FRS2: variants seen among roughly 807,000 people sequenced by gnomAD.
The protein encoded by FRS2 is fibroblast growth factor receptor substrate 2.
A neutral mutation model predicts 43.9 loss-of-function variants in FRS2; 8 were observed. The observed-to-expected ratio is 0.18, with a 90% CI of 0.11 to 0.33. The LOEUF is 0.33. Among genes scored for constraint, FRS2 ranks in the 10% least tolerant of loss-of-function variants. The pLI is 1.00. For missense variants in FRS2, 534 were observed against 627.6 expected (o/e 0.85, Z 1.59); for synonymous variants, 219 against 220.3 (o/e 0.99, Z 0.05).
At chr12:69,555,035 T>G (rs1879218941) in intron 3 of FRS2, among the ~76,000 whole-genome samples, 1 of 151,506 alleles carries the variant, frequency 6.6e-6, no homozygotes, top group Admixed American at 6.6e-5. Context: ...ATAATATTTT[T>G]TTTTACCTTT....
At chr12:69,487,792 A>G (rs918392702) in intron 1 of FRS2, among the ~76,000 whole-genome samples, 1 of 152,248 alleles carries the variant, frequency 6.6e-6, no homozygotes, top group African/African-American at 2.4e-5. Context: ...CATTAAGAAC[A>G]CTTGTGATTT....
intron 1 of FRS2, among the ~76,000 whole-genome samples, chr12:69,501,088 T>G (rs1873396483): frequency 6.6e-6 from 1 of 152,152 alleles, no homozygotes; most frequent in Non-Finnish European, 1.5e-5. Flanking sequence ...TTTCCCTGCC[T>G]TCTTTTCAAG....
At chr12:69,556,036 T>C (rs142200117) in intron 3 of FRS2, among the ~76,000 whole-genome samples, 1 of 150,198 alleles carries the variant, frequency 6.7e-6, no homozygotes, top group East Asian at 2.0e-4. Context: ...ACACATGGTA[T>C]ACACATTTCA....
chr12:69,527,432 C>T (rs935680029), intron 1 of FRS2, among the ~76,000 whole-genome samples: 13 of 146,322 alleles, frequency 8.9e-5, no homozygotes, highest in African/African-American at 3.3e-4. Flanking sequence ...AATCCTCCTG[C>T]CTCAGCCTCC....
chr12:69,472,590 A>T (rs187483047), intron 1 of FRS2, among the ~76,000 whole-genome samples: 25 of 152,338 alleles, frequency 1.6e-4, no homozygotes, highest in Admixed American at 5.9e-4. Flanking sequence ...GAGCAGAGAA[A>T]GGTGATTGGG....
chr12:69,498,061 C>T (rs532011500), intron 1 of FRS2, among the ~76,000 whole-genome samples: 1 of 151,870 alleles, frequency 6.6e-6, no homozygotes, highest in South Asian at 2.1e-4. Flanking sequence ...TAGAAACTTG[C>T]TATTTTCTCT....
intron 3 of FRS2, among the ~76,000 whole-genome samples, chr12:69,557,600 G>A (rs895282492): frequency 8.4e-6 from 1 of 119,142 alleles, no homozygotes; most frequent in Non-Finnish European, 1.7e-5. Flanking sequence ...TTGATTGTGT[G>A]TGTGTGTGTG....
chr12:69,524,902 T>C (rs1002006013), intron 1 of FRS2, among the ~76,000 whole-genome samples: 5 of 152,166 alleles, frequency 3.3e-5, no homozygotes, highest in African/African-American at 9.7e-5. Flanking sequence ...AACTCACCCC[T>C]TCTGCAGGAA....
intron 3 of FRS2, among the ~76,000 whole-genome samples, chr12:69,561,637 G>C (rs1879885885): frequency 6.6e-6 from 1 of 152,152 alleles, no homozygotes; most frequent in African/African-American, 2.4e-5. Context: ...TGGCATGCTT[G>C]TTCATACTGT....
intron 1 of FRS2, among the ~76,000 whole-genome samples, chr12:69,526,565 TGA>T (rs1314497713): frequency 6.6e-5 from 10 of 152,158 alleles, no homozygotes; most frequent in Non-Finnish European, 1.3e-4. Context: ...GTGTTCCACA[TGA>T]GAGGATTTTT....
chr12:69,531,672 A>C (rs1876810933), intron 2 of FRS2, among the ~76,000 whole-genome samples: 1 of 152,190 alleles, frequency 6.6e-6, no homozygotes, highest in Admixed American at 6.5e-5. Flanking sequence ...CACCGAAAAA[A>C]AAAAAGGACC....
At chr12:69,560,789 A>G (rs1879812972) in intron 3 of FRS2, among the ~76,000 whole-genome samples, 1 of 152,310 alleles carries the variant, frequency 6.6e-6, no homozygotes, top group African/African-American at 2.4e-5. Context: ...TTTACTAAGT[A>G]TCATAGTCAA....
intron 1 of FRS2, among the ~76,000 whole-genome samples, chr12:69,508,178 T>C (rs2135564982): frequency 6.6e-6 from 1 of 152,318 alleles, no homozygotes; most frequent in Middle Eastern, 3.4e-3. Flanking sequence ...TTGTATCATT[T>C]GACATTCAGA....
chr12:69,563,455 T>G (rs1366256790), intron 4 of FRS2, among the ~76,000 whole-genome samples: 1 of 152,206 alleles, frequency 6.6e-6, no homozygotes, highest in African/African-American at 2.4e-5. Context: ...TTGTATTTTG[T>G]TAGCTCTCTT....
chr12:69,572,491 C>T (rs1014421668), intron 8 of FRS2, among the ~76,000 whole-genome samples: 2 of 152,150 alleles, frequency 1.3e-5, no homozygotes, highest in African/African-American at 4.8e-5. Context: ...ATTACAGTAG[C>T]TTGTGGGTTC....
chr12:69,526,879 A>G (rs1876290964), intron 1 of FRS2, among the ~76,000 whole-genome samples: 1 of 152,060 alleles, frequency 6.6e-6, no homozygotes, highest in Admixed American at 6.6e-5. Flanking sequence ...GCGTGCCACC[A>G]CGCCTGGCTA....
intron 1 of FRS2, among the ~76,000 whole-genome samples, chr12:69,525,370 G>A (rs1876113071): frequency 6.6e-6 from 1 of 152,072 alleles, no homozygotes; most frequent in African/African-American, 2.4e-5. Flanking sequence ...GAGAGACTGT[G>A]TGTATGATAA....
rs1487830240 is a variant in FRS2 at position 69,557,619 on chromosome 12, TGCGCGCGCGCGCGCGCGCAG to T, written c.-121-4559_-121-4540del. ...TTGTGTGTGTGTGTGTGTGTGTGTGTGCGCGCGCGCGCGCGCGCAGGTGCATGCACGCTAGGATTGTTGCC... is the reference window on the plus strand; with the variant it reads ...TTGTGTGTGTGTGTGTGTGTGTGTGTGTGCATGCACGCTAGGATTGTTGCC... On this transcript the variant is annotated intron_variant, in intron 3 of 8. Coordinates refer to ENST00000549921, the MANE Select transcript of FRS2 (RefSeq NM_001278356.2). Among the ~76,000 whole-genome samples, 1,023 of 118,994 alleles carry T rather than the reference TGCGCGCGCGCGCGCGCGCAG, an allele frequency of 8.6e-3. 11 individuals carry two copies. Among genetic ancestry groups the T allele is most frequent in the African/African-American group, 0.027 (963 of 35,146 alleles). 78.1% of individuals were successfully genotyped at this position (118,994 alleles called of 152,430 possible). A position where few individuals can be genotyped will look rare whatever the true frequency, so the allele number is the denominator to read the frequency against.
intron 3 of FRS2, among the ~76,000 whole-genome samples, chr12:69,554,967 C>T (rs1298122076): frequency 6.6e-6 from 1 of 152,022 alleles, no homozygotes; most frequent in Non-Finnish European, 1.5e-5. Context: ...ACTTGGCCTC[C>T]TAAAGTGCTG....
Sources: gnomAD v4.1 joint callset for allele counts (sites outside exome capture counted in the v4.1 genomes callset) on GRCh38, gnomAD v4.1.1 for gene constraint, MANE v1.5 for transcripts, NCBI Gene and HGNC (gene_info 2026-07-23, HGNC 2026-07-21) for gene names.